ROBO2: variants seen among roughly 807,000 people sequenced by gnomAD.
The protein encoded by ROBO2 is roundabout guidance receptor 2, also known as roundabout homolog 2.
A neutral mutation model predicts 160.8 loss-of-function variants in ROBO2; 53 were observed. That is an observed-to-expected ratio of 0.33 (90% CI 0.26 to 0.41). The LOEUF is 0.41. Ranked by LOEUF, ROBO2 falls within the 10% of genes least tolerant of loss-of-function variation. ROBO2 has a pLI of 1.00. For synonymous variants in ROBO2, 664 were observed against 611.7 expected (o/e 1.09, Z -1.26); for missense variants, 1,577 against 1,722.4 (o/e 0.92, Z 1.49).
intron 23 of ROBO2, among the ~76,000 whole-genome samples, chr3:77,628,284 C>G (rs902784329): frequency 6.6e-6 from 1 of 152,088 alleles, no homozygotes; most frequent in Non-Finnish European, 1.5e-5. Context: ...TAAGAAGCCT[C>G]TAGCCGAATT....
intron 1 of ROBO2, among the ~76,000 whole-genome samples, chr3:77,076,420 G>A (rs1289520508): frequency 6.6e-6 from 1 of 151,968 alleles, no homozygotes; most frequent in East Asian, 1.9e-4. Flanking sequence ...TTTAACAACA[G>A]TTTATGTTTT....
intron 2 of ROBO2, among the ~76,000 whole-genome samples, chr3:76,739,671 G>A (rs894199406): frequency 5.3e-5 from 8 of 152,142 alleles, no homozygotes; most frequent in African/African-American, 1.9e-4. Flanking sequence ...TCTTGCTGAG[G>A]TGGGTAGCAA....
At chr3:76,339,322 C>G (rs1393330985) in intron 2 of ROBO2, among the ~76,000 whole-genome samples, 1 of 152,076 alleles carries the variant, frequency 6.6e-6, no homozygotes, top group African/African-American at 2.4e-5. Flanking sequence ...ATATTTGCTG[C>G]AAGGTTTCAT....
intron 1 of ROBO2, among the ~76,000 whole-genome samples, chr3:77,086,670 A>C (rs1410036987): frequency 1.3e-5 from 2 of 152,156 alleles, no homozygotes; most frequent in Non-Finnish European, 2.9e-5. Flanking sequence ...TAGTAAATGA[A>C]TGTTGATTAG....
intron 2 of ROBO2, among the ~76,000 whole-genome samples, chr3:76,122,404 T>G (rs1238923492): frequency 6.6e-6 from 1 of 152,168 alleles, no homozygotes. Flanking sequence ...CAGTCTTGAA[T>G]AGGATTTTTC....
chr3:76,459,190 A>C (rs1196408092), intron 2 of ROBO2, among the ~76,000 whole-genome samples: 2 of 152,198 alleles, frequency 1.3e-5, no homozygotes, highest in Non-Finnish European at 2.9e-5. Context: ...GTTGTGATAT[A>C]ATATGGAGAC....
chr3:77,396,255 A>G (rs4380395), intron 2 of ROBO2, among the ~76,000 whole-genome samples: 60,568 of 151,806 alleles, frequency 0.4, 12,251 homozygotes, highest in East Asian at 0.5. Flanking sequence ...CAAAGGATTT[A>G]TAATTTGTAG....
At chr3:77,545,922 A>G (rs1021915420) in intron 6 of ROBO2, among the ~76,000 whole-genome samples, 6 of 152,082 alleles carry the variant, frequency 3.9e-5, no homozygotes, top group Non-Finnish European at 7.4e-5. Context: ...GTAACTACAA[A>G]AACTGCCAAT....
At chr3:77,066,714 A>G (rs2066885096) in intron 1 of ROBO2, among the ~76,000 whole-genome samples, 1 of 152,056 alleles carries the variant, frequency 6.6e-6, no homozygotes, top group Non-Finnish European at 1.5e-5. Flanking sequence ...TTTTGGTTTT[A>G]AACACTTTTT....
intron 2 of ROBO2, among the ~76,000 whole-genome samples, chr3:76,571,595 T>C (rs1375301668): frequency 1.3e-5 from 2 of 152,126 alleles, no homozygotes; most frequent in African/African-American, 4.8e-5. Flanking sequence ...ATATAATTCA[T>C]AGGAGTTAGG....
intron 1 of ROBO2, among the ~76,000 whole-genome samples, chr3:75,910,944 T>G (rs2106726011): frequency 6.6e-6 from 1 of 151,896 alleles, no homozygotes; most frequent in South Asian, 2.1e-4. Flanking sequence ...CCTTAAATAA[T>G]ATTTAAATAT....
chr3:76,524,170 A>G (rs2081800982), intron 2 of ROBO2, among the ~76,000 whole-genome samples: 1 of 152,080 alleles, frequency 6.6e-6, no homozygotes, highest in South Asian at 2.1e-4. Context: ...GAATTTGTGT[A>G]CAAATCCTGT....
At chr3:76,894,726 A>C (rs2074630933) in intron 2 of ROBO2, among the ~76,000 whole-genome samples, 1 of 152,188 alleles carries the variant, frequency 6.6e-6, no homozygotes, top group Admixed American at 6.5e-5. Context: ...GCTCAGAAAC[A>C]TGAAAATGTA....
At chr3:77,207,373 G>A (rs747840614) in intron 2 of ROBO2, among the ~76,000 whole-genome samples, 4 of 152,120 alleles carry the variant, frequency 2.6e-5, no homozygotes, top group Middle Eastern at 3.4e-3. Context: ...CATAGTAAGC[G>A]TCAATTTAAA....
chr3:76,801,038 G>T (rs916044355), intron 2 of ROBO2, among the ~76,000 whole-genome samples: 3 of 152,006 alleles, frequency 2.0e-5, no homozygotes, highest in African/African-American at 7.3e-5. Context: ...AGAAAACATG[G>T]TACATATACA....
At chr3:76,600,951 G>T (rs542565967) in intron 2 of ROBO2, among the ~76,000 whole-genome samples, 7 of 152,160 alleles carry the variant, frequency 4.6e-5, no homozygotes, top group Admixed American at 2.0e-4. Flanking sequence ...CTAGATACAA[G>T]GGGGTTATGG....
At chr3:77,157,598 T>G (rs1007132170) in intron 2 of ROBO2, among the ~76,000 whole-genome samples, 4 of 152,082 alleles carry the variant, frequency 2.6e-5, no homozygotes, top group African/African-American at 9.7e-5. Flanking sequence ...GGTGAGGACT[T>G]GTTAGCAATT....
At chr3:76,691,550 T>A (rs1421761958) in intron 2 of ROBO2, among the ~76,000 whole-genome samples, 3 of 152,092 alleles carry the variant, frequency 2.0e-5, no homozygotes, top group Admixed American at 6.6e-5. Flanking sequence ...AATGGAAGTA[T>A]GATAGAGCTA....
intron 2 of ROBO2, among the ~76,000 whole-genome samples, chr3:77,395,346 A>G (rs2075170972): frequency 6.6e-6 from 1 of 152,174 alleles, no homozygotes; most frequent in South Asian, 2.1e-4. Context: ...AGCAGGTAGC[A>G]TAGCCTCATC....
Sources: allele counts gnomAD v4.1 joint callset (sites outside exome capture counted in the v4.1 genomes callset), GRCh38; gene constraint gnomAD v4.1.1; transcripts MANE v1.5; gene names NCBI Gene and HGNC (gene_info 2026-07-23, HGNC 2026-07-21).